The following FDX1 variants were observed in gnomAD, a reference collection of about 807,000 sequenced individuals.
FDX1 encodes the protein ferredoxin 1.
A neutral mutation model predicts 14.9 loss-of-function variants in FDX1; 9 were observed. That is an observed-to-expected ratio of 0.60 (90% confidence interval 0.36 to 1.05). The LOEUF is 1.05. Among genes scored for constraint, FDX1 ranks in the 50% least tolerant of loss-of-function variants. FDX1 has a pLI of 0.01. For missense variants in FDX1, 204 were observed against 237.2 expected (o/e 0.86, Z 0.92); for synonymous variants, 92 against 99.4 (o/e 0.93, Z 0.44).
chr11:110,444,687 C>CGTATATATATATATATACGT (rs1946431893), intron 2 of FDX1, among the ~76,000 whole-genome samples: 1 of 29,530 alleles, frequency 3.4e-5, no homozygotes, highest in African/African-American at 2.1e-4. Flanking sequence ...TATATATACA[C>CGTATATATATATATATACGT]GTATATATAT....
At chr11:110,440,228 T>A (rs2134678688) in intron 2 of FDX1, among the ~76,000 whole-genome samples, 1 of 152,310 alleles carries the variant, frequency 6.6e-6, no homozygotes, top group South Asian at 2.1e-4. Context: ...AAGCAACTTT[T>A]GGTTTTGTTG....
intron 2 of FDX1, 109 bp downstream of exon 2, chr11:110,436,067 A>G: frequency 1.1e-6 from 1 of 883,168 alleles, no homozygotes; most frequent in Non-Finnish European, 1.8e-6. Flanking sequence ...TGCTATGTAA[A>G]ATATTAACAT....
intron 2 of FDX1, among the ~76,000 whole-genome samples, chr11:110,444,698 A>ACG (rs1159506170): frequency 1.5e-5 from 1 of 64,918 alleles, no homozygotes; most frequent in African/African-American, 7.2e-5. Flanking sequence ...GTATATATAT[A>ACG]TATATACGTA....
chr11:110,444,723 CGTAT>C (rs1565382015), intron 2 of FDX1, among the ~76,000 whole-genome samples: 2 of 23,918 alleles, frequency 8.4e-5, no homozygotes, highest in African/African-American at 2.6e-4. Flanking sequence ...TATATATATA[CGTAT>C]ATATATATAT....
At chr11:110,442,048 C>CT (rs749705940) in intron 2 of FDX1, among the ~76,000 whole-genome samples, 1 of 152,224 alleles carries the variant, frequency 6.6e-6, no homozygotes, top group Non-Finnish European at 1.5e-5. Flanking sequence ...GCCTTGGCAG[C>CT]TTCCATGTGG....
chr11:110,439,428 C>A (rs370567752), intron 2 of FDX1, among the ~76,000 whole-genome samples: 9 of 151,922 alleles, frequency 5.9e-5, no homozygotes, highest in Admixed American at 1.3e-4. Context: ...AGGCTAGTCT[C>A]GAACTCCTGA....
At chr11:110,462,295 AT>A in intron 3 of FDX1, 58 bp from the exon 4 acceptor site, 1 of 915,828 alleles carries the variant, frequency 1.1e-6, no homozygotes, top group Non-Finnish European at 1.7e-6. Context: ...AAACAACTGC[AT>A]TGCCTTGTGA....
intron 1 of FDX1, among the ~76,000 whole-genome samples, chr11:110,431,281 A>G (rs189188900): frequency 3.9e-4 from 59 of 152,360 alleles, no homozygotes; most frequent in African/African-American, 1.1e-3. Flanking sequence ...GATACAATTT[A>G]CACATAATTT....
intron 2 of FDX1, among the ~76,000 whole-genome samples, chr11:110,436,780 T>C (rs1470700980): frequency 6.6e-6 from 1 of 152,174 alleles, no homozygotes; most frequent in African/African-American, 2.4e-5. Context: ...GAACCATTTC[T>C]AGATCAGAAT....
Position 110,463,106 on chromosome 11 carries a change from T to C in FDX1, c.*638T>C, listed in dbSNP as rs766992307. On this transcript the variant is annotated 3_prime_UTR_variant, in exon 4 of 4. Coordinates refer to ENST00000260270, the MANE Select transcript of FDX1 (RefSeq NM_004109.5). ...AGTCTGGACGTAGACATTATAATGCTATCAAAGAAGTTTGATCTCTGTTTT... is the reference window on the plus strand; with the variant it reads ...AGTCTGGACGTAGACATTATAATGCCATCAAAGAAGTTTGATCTCTGTTTT... 2.6e-5 allele frequency: 4 copies of C among 152,280 alleles called. No homozygotes were observed. Among genetic ancestry groups the C allele is most frequent in the Non-Finnish European group, 4.4e-5 (3 of 68,052 alleles). The allele number at this position is 152,280 out of a possible 1,614,324, so 9.4% of individuals were successfully genotyped here.
chr11:110,441,603 C>A (rs929631721), intron 2 of FDX1, among the ~76,000 whole-genome samples: 1 of 152,158 alleles, frequency 6.6e-6, no homozygotes, highest in Non-Finnish European at 1.5e-5. Context: ...GGGTATCTGG[C>A]AGAAGAAATT....
Position 110,435,872 on chromosome 11 carries a change from A to G in FDX1, c.224A>G (p.Asp75Gly), listed in dbSNP as rs764822594. The G allele has an allele frequency of 3.1e-6, 5 of 1,610,700 alleles. No individual in the cohort carries two copies. Among genetic ancestry groups the G allele is most frequent in the Non-Finnish European group, 4.2e-6 (5 of 1,177,700 alleles). Residue 75 changes from aspartate to glycine, a missense_variant, in exon 2 of 4, where the codon GAT becomes GGT. Asp to Gly is a moderately conservative substitution (Grantham distance 94). Transcript: ENST00000260270. ...DKITVHFINR[D>G]GETLTTKGKV... ...ATAACAGTCCACTTTATAAACCGTG[A>G]TGGTGAAACATTAACAACCAAAGGA...
rs773338470 is a variant in FDX1 at position 110,435,829 on chromosome 11, T to C, written c.186-5T>C. 6 of 1,585,746 alleles carry C rather than the reference T, an allele frequency of 3.8e-6. No homozygotes were observed. The African/African-American group carries it at 4.1e-5, about 11-fold the overall frequency. ...AAAATACTAAAGGACTGTTTTTTTT[T>C]CCAGCTCAGAAGATAAAATAACAGT... On this transcript the variant is annotated splice_region_variant and splice_polypyrimidine_tract_variant and intron_variant, in intron 1 of 3. Coordinates refer to ENST00000260270, the MANE Select transcript of FDX1 (RefSeq NM_004109.5).
chr11:110,458,206 AAAAG>A (rs1269812059), intron 3 of FDX1, among the ~76,000 whole-genome samples: 1 of 152,236 alleles, frequency 6.6e-6, no homozygotes, highest in African/African-American at 2.4e-5. Context: ...ATTCTAATTG[AAAAG>A]AAAGGGAAAA....
intron 2 of FDX1, among the ~76,000 whole-genome samples, chr11:110,445,794 C>T: frequency 6.6e-6 from 1 of 152,066 alleles, no homozygotes; most frequent in Admixed American, 6.6e-5. Flanking sequence ...CATAAAGTTG[C>T]TGTAAAGATC....
chr11:110,433,585 G>T (rs916582095), intron 1 of FDX1, among the ~76,000 whole-genome samples: 1 of 152,020 alleles, frequency 6.6e-6, no homozygotes, highest in Non-Finnish European at 1.5e-5. Flanking sequence ...CTGCCTCTAG[G>T]GTATTTTCAT....
chr11:110,434,845 G>GC (rs1946358492), intron 1 of FDX1, among the ~76,000 whole-genome samples: 1 of 148,408 alleles, frequency 6.7e-6, no homozygotes, highest in African/African-American at 2.5e-5. Flanking sequence ...ATCCACCTCA[G>GC]CCCCATGAGT....
At chr11:110,458,680 T>C (rs1591255135) in intron 3 of FDX1, among the ~76,000 whole-genome samples, 2 of 152,204 alleles carry the variant, frequency 1.3e-5, no homozygotes, top group East Asian at 3.9e-4. Flanking sequence ...TGATCTTGGC[T>C]CACTGCAACC....
intron 1 of FDX1, among the ~76,000 whole-genome samples, 196 bp downstream of exon 1, chr11:110,430,501 T>G (rs1478471107): frequency 1.3e-5 from 2 of 152,148 alleles, no homozygotes. Flanking sequence ...GCTGCCTCCC[T>G]TCCGTCGCAC....
Sources: gnomAD v4.1 joint callset for allele counts (sites outside exome capture counted in the v4.1 genomes callset) on GRCh38, gnomAD v4.1.1 for gene constraint, MANE v1.5 for transcripts, NCBI Gene and HGNC (gene_info 2026-07-23, HGNC 2026-07-21) for gene names.